RPS6KA2: variants seen among roughly 807,000 people sequenced by gnomAD.
RPS6KA2 encodes the protein ribosomal protein S6 kinase alpha-2.
A neutral mutation model predicts 91.8 loss-of-function variants in RPS6KA2; 42 were observed. That is an observed-to-expected ratio of 0.46 (90% CI 0.36 to 0.59). The LOEUF (loss-of-function observed/expected upper bound fraction) is 0.59. Ranked by LOEUF, RPS6KA2 falls within the 20% of genes least tolerant of loss-of-function variation. The pLI is 0.00. For missense variants in RPS6KA2, 798 were observed against 978.5 expected (o/e 0.82, Z 2.46); for synonymous variants, 414 against 393.6 (o/e 1.05, Z -0.61).
intron 2 of RPS6KA2, among the ~76,000 whole-genome samples, chr6:166,717,076 A>C (rs1790034548): frequency 6.6e-6 from 1 of 152,184 alleles, no homozygotes; most frequent in Non-Finnish European, 1.5e-5. Context: ...GAGGGAGATC[A>C]GGACACAGGC....
intron 1 of RPS6KA2, among the ~76,000 whole-genome samples, chr6:166,550,868 G>T (rs1375045662): frequency 6.6e-6 from 1 of 151,834 alleles, no homozygotes; most frequent in Non-Finnish European, 1.5e-5. Flanking sequence ...AGGCGTGGTG[G>T]CGGGCGCCTG....
intron 1 of RPS6KA2, among the ~76,000 whole-genome samples, chr6:166,617,924 G>A (rs781271457): frequency 6.6e-6 from 1 of 152,190 alleles, no homozygotes; most frequent in Non-Finnish European, 1.5e-5. Flanking sequence ...AAATCAGCCC[G>A]AGGTTTTCTG....
intron 2 of RPS6KA2, among the ~76,000 whole-genome samples, chr6:166,802,562 A>T (rs1779394078): frequency 6.6e-6 from 1 of 152,162 alleles, no homozygotes; most frequent in African/African-American, 2.4e-5. Flanking sequence ...ACTAACGGGA[A>T]TGTTTTCTGG....
intron 1 of RPS6KA2, among the ~76,000 whole-genome samples, chr6:166,860,317 A>G (rs574306391): frequency 6.6e-6 from 1 of 152,336 alleles, no homozygotes; most frequent in South Asian, 2.1e-4. Flanking sequence ...TTGCTTCAAG[A>G]GCTATTTAAT....
intron 2 of RPS6KA2, among the ~76,000 whole-genome samples, chr6:166,698,208 C>T (rs1038479917): frequency 1.3e-5 from 2 of 152,162 alleles, no homozygotes; most frequent in African/African-American, 4.8e-5. Flanking sequence ...TCATAAATTT[C>T]CTGGTATGTG....
At chr6:166,861,873 A>G (rs747325566) in intron 1 of RPS6KA2, among the ~76,000 whole-genome samples, 1 of 152,250 alleles carries the variant, frequency 6.6e-6, no homozygotes, top group African/African-American at 2.4e-5. Flanking sequence ...TCTTGTACTC[A>G]TTATCATTTA....
chr6:166,620,194 T>C (rs1273660537), intron 1 of RPS6KA2, among the ~76,000 whole-genome samples: 2 of 152,250 alleles, frequency 1.3e-5, no homozygotes, highest in Non-Finnish European at 2.9e-5. Context: ...CTGTTTTTCT[T>C]ATTTGTCAAT....
At chr6:166,769,562 C>T (rs939939291) in intron 2 of RPS6KA2, among the ~76,000 whole-genome samples, 3 of 152,238 alleles carry the variant, frequency 2.0e-5, no homozygotes, top group African/African-American at 4.8e-5. Flanking sequence ...CTCACCTTTG[C>T]ATGGCCTCCA....
chr6:166,654,514 C>T (rs768907286), intron 2 of RPS6KA2, among the ~76,000 whole-genome samples: 24 of 150,654 alleles, frequency 1.6e-4, no homozygotes, highest in Non-Finnish European at 7.4e-5. Flanking sequence ...ATAATTTACT[C>T]GCCTGAGAGA....
intron 1 of RPS6KA2, among the ~76,000 whole-genome samples, chr6:166,577,642 G>C (rs1784877476): frequency 6.6e-6 from 1 of 152,154 alleles, no homozygotes; most frequent in African/African-American, 2.4e-5. Context: ...GAAGTAACTA[G>C]CTTGCTTTTC....
chr6:166,790,098 A>G (rs1779043252), intron 2 of RPS6KA2, among the ~76,000 whole-genome samples: 1 of 152,178 alleles, frequency 6.6e-6, no homozygotes, highest in Non-Finnish European at 1.5e-5. Context: ...AATGGCAAAG[A>G]AGTTAAAAAC....
At chr6:166,551,032 C>A (rs1266550891) in intron 1 of RPS6KA2, among the ~76,000 whole-genome samples, 6 of 141,644 alleles carry the variant, frequency 4.2e-5, no homozygotes, top group Non-Finnish European at 9.3e-5. Flanking sequence ...TTAGGTACTA[C>A]TCTCTGTAAC....
intron 2 of RPS6KA2, among the ~76,000 whole-genome samples, chr6:166,799,508 G>T (rs1779307518): frequency 6.6e-6 from 1 of 151,674 alleles, no homozygotes; most frequent in Non-Finnish European, 1.5e-5. Context: ...ATATCCTAAA[G>T]GAGTAGTTAG....
intron 1 of RPS6KA2, among the ~76,000 whole-genome samples, chr6:166,556,964 G>C (rs1784195863): frequency 6.6e-6 from 1 of 152,224 alleles, no homozygotes. Flanking sequence ...TGTGTAGCTG[G>C]TGTCCAGTGT....
chr6:166,689,144 G>T (rs961558541), intron 2 of RPS6KA2, among the ~76,000 whole-genome samples: 1 of 152,254 alleles, frequency 6.6e-6, no homozygotes, highest in Non-Finnish European at 1.5e-5. Context: ...TGCGCCAAAA[G>T]CGCTCCCCTA....
intron 20 of RPS6KA2, among the ~76,000 whole-genome samples, chr6:166,413,150 A>G (rs1778372573): frequency 6.6e-6 from 1 of 151,762 alleles, no homozygotes; most frequent in Admixed American, 6.5e-5. Context: ...TTGGGGGAAA[A>G]TGTTTTGGAC....
chr6:166,479,890 T>C (rs1781127777), intron 10 of RPS6KA2, among the ~76,000 whole-genome samples: 1 of 152,162 alleles, frequency 6.6e-6, no homozygotes, highest in Admixed American at 6.5e-5. Flanking sequence ...TATTTTTACT[T>C]AACACTTCTT....
intron 2 of RPS6KA2, among the ~76,000 whole-genome samples, chr6:166,675,980 T>C (rs900639095): frequency 4.6e-5 from 7 of 152,130 alleles, no homozygotes; most frequent in Admixed American, 4.6e-4. Context: ...AAGTTGAGTG[T>C]AAACAGGCTT....
chr6:166,683,222 C>A (rs954484954), intron 2 of RPS6KA2, among the ~76,000 whole-genome samples: 1 of 152,238 alleles, frequency 6.6e-6, no homozygotes, highest in Admixed American at 6.5e-5. Flanking sequence ...CCTACGTGTG[C>A]CTCTGTGTTG....
Sources: gnomAD v4.1 joint callset for allele counts (sites outside exome capture counted in the v4.1 genomes callset) on GRCh38, gnomAD v4.1.1 for gene constraint, MANE v1.5 for transcripts, NCBI Gene and HGNC (gene_info 2026-07-23, HGNC 2026-07-21) for gene names.